The following YEATS2 variants were observed in gnomAD, a reference collection of about 807,000 sequenced individuals.
YEATS2 encodes the protein YEATS domain containing 2, also known as YEATS domain-containing protein 2.
Under a neutral mutation model 163.2 loss-of-function variants are expected in YEATS2, and 77 were observed. The observed-to-expected ratio is 0.47, with a 90% CI of 0.39 to 0.57. The LOEUF (loss-of-function observed/expected upper bound fraction) is 0.57. YEATS2 is among the 20% of genes least tolerant of loss of function. YEATS2 has a pLI of 0.00. For synonymous variants in YEATS2, 631 were observed against 645.1 expected, an observed-to-expected ratio of 0.98 and a Z score of 0.33; for missense variants, 1,549 against 1,729.8, an observed-to-expected ratio of 0.90 and a Z score of 1.85.
chr3:183,787,656 G>A (rs1357399561), intron 20 of YEATS2, among the ~76,000 whole-genome samples: 1 of 151,960 alleles, frequency 6.6e-6, no homozygotes, highest in African/African-American at 2.4e-5. Context: ...TTTCTTGATA[G>A]TATTGAACCA....
Position 183,772,519 on chromosome 3 carries a change from A to G in YEATS2, c.2162A>G (p.Gln721Arg). Residue 721 changes from glutamine to arginine, a missense_variant, in exon 16 of 31, where the codon CAG (glutamine) becomes CGG (arginine). Coordinates refer to ENST00000305135, the MANE Select transcript of YEATS2 (RefSeq NM_018023.5). Reference protein sequence around the residue: ...AQPVQTLTKAQVTAAGPQKSG... With the variant: ...AQPVQTLTKARVTAAGPQKSG... Reference sequence around the variant, plus strand: ...CCAGTGCAGACCTTAACCAAGGCCCAGGTTACTGCCGCTGGTCCTCAGAAG... The same window carrying G: ...CCAGTGCAGACCTTAACCAAGGCCCGGGTTACTGCCGCTGGTCCTCAGAAG... 3 of 1,614,164 alleles carry G rather than the reference A, an allele frequency of 1.9e-6. No individual in the cohort carries two copies. Among genetic ancestry groups the G allele is most frequent in the East Asian group, 2.2e-5 (1 of 44,884 alleles).
At chr3:183,805,837 A>C (rs868789222) in intron 27 of YEATS2, among the ~76,000 whole-genome samples, 1 of 151,798 alleles carries the variant, frequency 6.6e-6, no homozygotes, top group Non-Finnish European at 1.5e-5. Flanking sequence ...GCTTCTTGAG[A>C]GCCTAATGCA....
In YEATS2 at chr3:183,701,085, AT is replaced by A. The variant is rs1366377335; in HGVS notation, c.-20+3106del. Among the ~76,000 whole-genome samples, 97 of 142,564 alleles carry A rather than the reference AT, an allele frequency of 6.8e-4. 1 individual carries two copies. The highest frequency in any genetic ancestry group is 1.0e-3 in the East Asian group (5 of 4,924). 93.5% of individuals were successfully genotyped at this position (142,564 alleles called of 152,430 possible). ...TGTGTGTGTGTGTATATATATATAA[AT>A]TTTTTTTTTTTTTGAGAAGGAGTCT... On this transcript the variant is annotated intron_variant, in intron 1 of 30. Transcript: ENST00000305135.
At chr3:183,803,868 C>CT (rs1725923204) in intron 26 of YEATS2, 119 bp from the exon 27 acceptor site, 5 of 1,112,178 alleles carry the variant, frequency 4.5e-6, no homozygotes, top group South Asian at 3.4e-5. Flanking sequence ...AGGTTTTTTT[C>CT]TTTAAAAAAA....
At chr3:183,793,179 C>G in intron 21 of YEATS2, 1 of 1,270,504 alleles carries the variant, frequency 7.9e-7, no homozygotes, top group Non-Finnish European at 1.0e-6. Flanking sequence ...CACCGAGATA[C>G]ACACACACAC....
At chr3:183,729,144 C>T (rs934191591) in intron 7 of YEATS2, among the ~76,000 whole-genome samples, 3 of 152,020 alleles carry the variant, frequency 2.0e-5, no homozygotes, top group Admixed American at 6.6e-5. Context: ...TGGTGGCGGG[C>T]GCCTGTAGTC....
At chr3:183,789,598 C>T (rs1352150346) in intron 20 of YEATS2, among the ~76,000 whole-genome samples, 6 of 123,510 alleles carry the variant, frequency 4.9e-5, no homozygotes, top group Admixed American at 1.1e-4. Context: ...TGCAGTGGCG[C>T]GATCTCGGCT....
At chr3:183,762,020 GAA>G in intron 14 of YEATS2, 75 bp from the exon 15 acceptor site, 1 of 1,581,578 alleles carries the variant, frequency 6.3e-7, no homozygotes, top group Non-Finnish European at 8.7e-7. Context: ...TGCAAACGGA[GAA>G]GAGTCAGATA....
chr3:183,750,697 TCATGTGTTTGGTGAC>T (rs1172494993), intron 9 of YEATS2, among the ~76,000 whole-genome samples: 1 of 152,238 alleles, frequency 6.6e-6, no homozygotes, highest in Non-Finnish European at 1.5e-5. Context: ...GAGGATCCCT[TCATGTGTTTGGTGAC>T]CATGTGTTTA....
chr3:183,780,680 A>T (rs574158884), intron 19 of YEATS2, among the ~76,000 whole-genome samples: 19 of 152,344 alleles, frequency 1.2e-4, no homozygotes, highest in African/African-American at 4.6e-4. Context: ...ACTATTAGGA[A>T]TATGAGGAGA....
intron 3 of YEATS2, 110 bp downstream of exon 3, chr3:183,717,858 TGC>T (rs375069791): frequency 6.3e-6 from 3 of 472,500 alleles, no homozygotes; most frequent in Non-Finnish European, 9.8e-6. Flanking sequence ...TCCTCCTCTT[TGC>T]TTTTTTTTTT....
At chr3:183,711,207 AT>A (rs1715162679) in intron 1 of YEATS2, among the ~76,000 whole-genome samples, 1 of 152,214 alleles carries the variant, frequency 6.6e-6, no homozygotes, top group Admixed American at 6.5e-5. Context: ...GCAGTGGCTC[AT>A]GCCTGTAATC....
rs1478362378 is a variant in YEATS2, at chr3:183,772,338, T to C, written c.1981T>C (p.Ser661Pro). 1 of 1,614,036 alleles carries C rather than the reference T, an allele frequency of 6.2e-7. No homozygotes were observed. Among genetic ancestry groups the C allele is most frequent in the African/African-American group, 1.3e-5 (1 of 74,920 alleles). The change falls in exon 16 of 31, where the codon TCA (serine) becomes CCA (proline). Residue 661 changes from serine to proline, a missense_variant. By Grantham distance (74) the Ser-to-Pro change is moderately conservative. Coordinates refer to ENST00000305135, the MANE Select transcript of YEATS2 (RefSeq NM_018023.5). Reference protein sequence around the residue: ...VGVPVGSALPSTVKQAVAISG... With the variant: ...VGVPVGSALPPTVKQAVAISG... ...GGTACCAGTTGGGTCTGCTTTACCT[T>C]CAACAGTGAAGCAGGCTGTGGCGAT...
intron 29 of YEATS2, among the ~76,000 whole-genome samples, chr3:183,808,482 T>C (rs926472244): frequency 6.6e-6 from 1 of 152,236 alleles, no homozygotes; most frequent in Non-Finnish European, 1.5e-5. Context: ...TTCCCCAGCC[T>C]GATCCTAGCT....
At chr3:183,798,785 C>T in intron 22 of YEATS2, 106 bp from the exon 23 acceptor site, 4 of 845,022 alleles carry the variant, frequency 4.7e-6, no homozygotes, top group Non-Finnish European at 8.0e-6. Flanking sequence ...CCTCAAGTTG[C>T]CTTTGTGCTG....
intron 8 of YEATS2, among the ~76,000 whole-genome samples, chr3:183,743,024 A>G (rs1719138452): frequency 6.6e-6 from 1 of 152,248 alleles, no homozygotes; most frequent in Non-Finnish European, 1.5e-5. Flanking sequence ...TAATGCTGTT[A>G]CATACTTAAT....
At chr3:183,767,822 C>A (rs867433295) in intron 15 of YEATS2, among the ~76,000 whole-genome samples, 1 of 152,060 alleles carries the variant, frequency 6.6e-6, no homozygotes, top group Non-Finnish European at 1.5e-5. Context: ...CGGCAGGATA[C>A]CAGGTTTTAC....
chr3:183,771,803 T>C (rs1174944634), intron 15 of YEATS2, among the ~76,000 whole-genome samples: 1 of 149,080 alleles, frequency 6.7e-6, no homozygotes, highest in Non-Finnish European at 1.5e-5. Context: ...CTTGGCTCAC[T>C]GCAACCTCCA....
intron 11 of YEATS2, among the ~76,000 whole-genome samples, 157 bp downstream of exon 11, chr3:183,754,522 G>A (rs1720515406): frequency 1.3e-5 from 2 of 152,218 alleles, no homozygotes; most frequent in African/African-American, 4.8e-5. Context: ...TGGCAAAGCT[G>A]TCACAAGGCA....
Sources: gnomAD v4.1 joint callset for allele counts (sites outside exome capture counted in the v4.1 genomes callset) on GRCh38, gnomAD v4.1.1 for gene constraint, MANE v1.5 for transcripts, NCBI Gene and HGNC (gene_info 2026-07-23, HGNC 2026-07-21) for gene names.